Variants in UGGT2 observed in about 807,000 individuals in gnomAD.
UGGT2 encodes the protein UDP-glucose glycoprotein glucosyltransferase 2.
A neutral mutation model predicts 192.1 loss-of-function variants in UGGT2; 180 were observed. That is an observed-to-expected ratio of 0.94 (90% CI 0.83 to 1.06). The LOEUF (loss-of-function observed/expected upper bound fraction) is 1.06, where lower values mean the gene tolerates loss of function less well. Ranked by LOEUF, UGGT2 falls within the 50% of genes least tolerant of loss-of-function variation. The pLI is 0.00. For synonymous variants in UGGT2, 580 were observed against 591.0 expected, an observed-to-expected ratio of 0.98 and a Z score of 0.27; for missense variants, 1,849 against 1,795.7, an observed-to-expected ratio of 1.03 and a Z score of -0.54.
intron 17 of UGGT2, among the ~76,000 whole-genome samples, chr13:95,928,287 C>T (rs1252352831): frequency 6.6e-5 from 10 of 151,308 alleles, no homozygotes; most frequent in Middle Eastern, 3.5e-3. Flanking sequence ...GGCGGCTGGC[C>T]GGGCAGGGGC....
chr13:95,911,199 C>T (rs1190426335), intron 20 of UGGT2, among the ~76,000 whole-genome samples: 4 of 152,126 alleles, frequency 2.6e-5, no homozygotes, highest in African/African-American at 7.2e-5. Context: ...AGAGCAAACA[C>T]ATTCAAAAGC....
At chr13:95,825,762 T>C (rs1885975004) in intron 38 of UGGT2, among the ~76,000 whole-genome samples, 1 of 152,202 alleles carries the variant, frequency 6.6e-6, no homozygotes, top group Non-Finnish European at 1.5e-5. Flanking sequence ...TTTTTCCTGC[T>C]GAGCCTAGCA....
chr13:95,973,165 C>T (rs764418084), intron 10 of UGGT2, among the ~76,000 whole-genome samples: 6 of 151,620 alleles, frequency 4.0e-5, no homozygotes, highest in Non-Finnish European at 8.8e-5. Context: ...AACGAAACTC[C>T]ATCTCAAAAA....
chr13:95,806,970 G>A (rs1056237065), intron 38 of UGGT2, among the ~76,000 whole-genome samples: 2 of 152,098 alleles, frequency 1.3e-5, no homozygotes, highest in Admixed American at 6.6e-5. Flanking sequence ...GAATTGGATT[G>A]GGCAATACAG....
chr13:96,035,758 T>A (rs181594457), intron 1 of UGGT2, among the ~76,000 whole-genome samples: 5 of 152,208 alleles, frequency 3.3e-5, no homozygotes, highest in African/African-American at 1.2e-4. Context: ...AGGACATGAA[T>A]AGACACTTAT....
At chr13:96,049,537 T>C (rs536176208) in intron 1 of UGGT2, among the ~76,000 whole-genome samples, 15 of 152,302 alleles carry the variant, frequency 9.8e-5, no homozygotes, top group Admixed American at 5.9e-4. Context: ...GGAAGTCAAA[T>C]TGTCCCTGTT....
At chr13:95,941,427 G>A (rs1003000087) in intron 15 of UGGT2, among the ~76,000 whole-genome samples, 1 of 152,084 alleles carries the variant, frequency 6.6e-6, no homozygotes, top group African/African-American at 2.4e-5. Flanking sequence ...CATTTTACGA[G>A]TTTTTCAATT....
At chr13:95,837,235 T>C in intron 36 of UGGT2, 33 bp from the exon 37 acceptor site, 2 of 1,477,926 alleles carry the variant, frequency 1.4e-6, no homozygotes, top group Non-Finnish European at 1.9e-6. Flanking sequence ...CATAGACGTA[T>C]GAAATTTAGA....
intron 5 of UGGT2, among the ~76,000 whole-genome samples, chr13:96,001,401 T>C (rs912778393): frequency 2.0e-5 from 3 of 152,112 alleles, no homozygotes; most frequent in Admixed American, 2.0e-4. Context: ...AATTTTCCTT[T>C]ACCTGCCCAA....
chr13:95,900,984 A>G, intron 21 of UGGT2, 46 bp from the exon 22 acceptor site: 1 of 1,321,626 alleles, frequency 7.6e-7, no homozygotes, highest in Non-Finnish European at 9.8e-7. Flanking sequence ...AGAACAGTAA[A>G]TATATTAAAT....
chr13:95,962,184 C>A (rs1026727627), intron 12 of UGGT2, among the ~76,000 whole-genome samples: 1 of 151,686 alleles, frequency 6.6e-6, no homozygotes, highest in African/African-American at 2.4e-5. Context: ...AATAGAAAAG[C>A]AAGAACAAAC....
chr13:95,809,359 G>T, intron 38 of UGGT2: 2 of 422,508 alleles, frequency 4.7e-6, no homozygotes, highest in South Asian at 1.7e-5. Context: ...AACTCTCCAC[G>T]GTTTTTGTTT....
At chr13:96,034,526 G>A (rs111985884) in intron 1 of UGGT2, among the ~76,000 whole-genome samples, 10 of 152,180 alleles carry the variant, frequency 6.6e-5, no homozygotes, top group Admixed American at 1.3e-4. Context: ...GCTGAAACAC[G>A]TGCCCCACTC....
chr13:96,032,156 G>C (rs902055810), intron 1 of UGGT2, among the ~76,000 whole-genome samples, 185 bp from the exon 2 acceptor site: 23 of 152,036 alleles, frequency 1.5e-4, no homozygotes, highest in Non-Finnish European at 1.9e-4. Flanking sequence ...TCTTACCTGA[G>C]ATATCATTCT....
At chr13:96,050,078 T>C (rs558333975) in intron 1 of UGGT2, among the ~76,000 whole-genome samples, 1 of 152,288 alleles carries the variant, frequency 6.6e-6, no homozygotes, top group African/African-American at 2.4e-5. Flanking sequence ...GACTTCAAAC[T>C]ATACTATAAG....
At chr13:95,902,567 G>C (rs530696137) in intron 21 of UGGT2, among the ~76,000 whole-genome samples, 5 of 150,996 alleles carry the variant, frequency 3.3e-5, no homozygotes, top group East Asian at 2.0e-4. Flanking sequence ...TGAGATTTAC[G>C]TAACGCTTTA....
rs188796622 is a variant in UGGT2 at position 95,848,044 on chromosome 13, C to T, written c.4284+5499G>A. The stretch of plus-strand genomic sequence containing the variant: ...CTTACTGTTGTTTAATTTGTGTATC[C>T]CTGATGATATATGATGTGGAGCATC... On this transcript the variant is annotated intron_variant, in intron 36 of 38. Coordinates refer to ENST00000376747, the MANE Select transcript of UGGT2 (RefSeq NM_020121.4). 3.2e-3 allele frequency among the ~76,000 whole-genome samples: 481 copies of T among 152,168 alleles called. 3 individuals carry two copies. Among genetic ancestry groups the T allele is most frequent in the African/African-American group, 0.011 (459 of 41,496 alleles).
intron 32 of UGGT2, 121 bp downstream of exon 32, chr13:95,860,667 G>C: frequency 2.0e-6 from 1 of 497,048 alleles, no homozygotes; most frequent in Non-Finnish European, 3.4e-6. Context: ...AAGGAACTGA[G>C]TATCAAGGAA....
chr13:96,019,221 A>G (rs367618197), intron 4 of UGGT2, among the ~76,000 whole-genome samples: 29 of 151,704 alleles, frequency 1.9e-4, no homozygotes, highest in African/African-American at 7.0e-4. Context: ...GGATTCTGGC[A>G]AAAGACAGAG....
Sources: gnomAD v4.1 joint callset for allele counts (sites outside exome capture counted in the v4.1 genomes callset) on GRCh38, gnomAD v4.1.1 for gene constraint, MANE v1.5 for transcripts, NCBI Gene and HGNC (gene_info 2026-07-23, HGNC 2026-07-21) for gene names.